Variants in PARD3B observed in about 807,000 individuals in gnomAD.
The protein encoded by PARD3B is par-3 family cell polarity regulator beta.
PARD3B carries 103 observed loss-of-function variants against 130.2 expected under a neutral mutation model. The observed-to-expected ratio is 0.79, with a 90% CI of 0.67 to 0.93. The LOEUF (loss-of-function observed/expected upper bound fraction) is 0.93. Ranked by LOEUF, PARD3B falls within the 40% of genes least tolerant of loss-of-function variation. The pLI is 0.00. For missense variants in PARD3B, 1,609 were observed against 1,499.2 expected (o/e 1.07, Z -1.21); for synonymous variants, 583 against 553.2 (o/e 1.05, Z -0.76).
rs1365587271 is a variant in PARD3B, at chr2:205,280,129, C to T, written c.2186-20401C>T. On this transcript the variant is annotated intron_variant, in intron 16 of 22. Coordinates refer to ENST00000406610, the MANE Select transcript of PARD3B (RefSeq NM_001302769.2). The surrounding 1 kb of genome is among the most constrained non-coding windows in gnomAD (Gnocchi z 4.7). ...AGGTAGGAATAGCAGTTGCCATTCT[C>T]TGACATAAATAGCTCTCATATAATA... Among the ~76,000 whole-genome samples the T allele has an allele frequency of 3.3e-5, 5 of 152,176 alleles. No individual in the cohort carries two copies. Among genetic ancestry groups the T allele is most frequent in the Non-Finnish European group, 7.3e-5 (5 of 68,038 alleles).
At chr2:204,735,837 G>A (rs2039721708) in intron 2 of PARD3B, among the ~76,000 whole-genome samples, 1 of 151,908 alleles carries the variant, frequency 6.6e-6, no homozygotes, top group African/African-American at 2.4e-5. Flanking sequence ...GGAAATAAAA[G>A]AAAGGAATAA....
At chr2:205,528,692 A>G (rs897040496) in intron 21 of PARD3B, among the ~76,000 whole-genome samples, 2 of 152,088 alleles carry the variant, frequency 1.3e-5, no homozygotes, top group Non-Finnish European at 2.9e-5. Context: ...GGGTTTGACC[A>G]TGTTGGCCAG....
At chr2:204,650,270 A>G (rs2035432301) in intron 1 of PARD3B, among the ~76,000 whole-genome samples, 1 of 152,172 alleles carries the variant, frequency 6.6e-6, no homozygotes, top group South Asian at 2.1e-4. Context: ...AGGTTGTGGA[A>G]AAAAGGGAAC....
chr2:205,596,259 G>A (rs1480744856), intron 22 of PARD3B, among the ~76,000 whole-genome samples: 1 of 152,174 alleles, frequency 6.6e-6, no homozygotes, highest in Non-Finnish European at 1.5e-5. Context: ...CTAAGAACCT[G>A]TTAATAACTT....
chr2:204,599,732 T>C (rs1235356610), intron 1 of PARD3B, among the ~76,000 whole-genome samples: 1 of 151,984 alleles, frequency 6.6e-6, no homozygotes, highest in Admixed American at 6.6e-5. Flanking sequence ...CATATGGTAG[T>C]TCTATTTGTA....
intron 22 of PARD3B, among the ~76,000 whole-genome samples, chr2:205,570,908 A>G (rs2053538334): frequency 6.6e-6 from 1 of 152,224 alleles, no homozygotes; most frequent in African/African-American, 2.4e-5. Flanking sequence ...TGATCCCACC[A>G]TAAATTATAG....
intron 16 of PARD3B, among the ~76,000 whole-genome samples, chr2:205,254,700 G>C (rs2039997556): frequency 6.7e-6 from 1 of 148,214 alleles, no homozygotes; most frequent in Non-Finnish European, 1.5e-5. Flanking sequence ...GTCTCGCTCT[G>C]TCGCCCAGAC....
intron 10 of PARD3B, among the ~76,000 whole-genome samples, chr2:205,145,669 A>G (rs977475850): frequency 6.6e-6 from 1 of 152,034 alleles, no homozygotes; most frequent in Non-Finnish European, 1.5e-5. Flanking sequence ...TCTCTAAGGC[A>G]CCATTGCTTT....
At chr2:205,193,160 G>T (rs2036485596) in intron 14 of PARD3B, 45 bp from the exon 15 acceptor site, 1 of 1,401,582 alleles carries the variant, frequency 7.1e-7, no homozygotes, top group Non-Finnish European at 1.0e-6. Context: ...TTTTTTAAAA[G>T]ATTTTATTCT....
chr2:205,466,580 T>C (rs1451883087), intron 20 of PARD3B, among the ~76,000 whole-genome samples: 1 of 152,218 alleles, frequency 6.6e-6, no homozygotes, highest in East Asian at 1.9e-4. Context: ...TACAACTAAG[T>C]AATCCATTTT....
rs1559663299 is a variant in PARD3B, at chr2:205,325,624, G to A, written c.2630+23923G>A. ...ACTCACTGTAGCCTCAGACCCCAGG[G>A]CTAAGTGATCCTCCCACCTCAGCCT... On this transcript the variant is annotated intron_variant, in intron 18 of 22. Coordinates refer to ENST00000406610, the MANE Select transcript of PARD3B (RefSeq NM_001302769.2). This position sits in a 1 kb window ranked among gnomAD's most constrained non-coding sequence, Gnocchi z 4.1. 6.6e-6 allele frequency among the ~76,000 whole-genome samples: 1 copy of A among 151,962 alleles called. No individual in the cohort carries two copies. Among genetic ancestry groups the A allele is most frequent in the Non-Finnish European group, 1.5e-5 (1 of 67,984 alleles).
At chr2:204,603,685 A>T (rs950635348) in intron 1 of PARD3B, among the ~76,000 whole-genome samples, 1 of 152,110 alleles carries the variant, frequency 6.6e-6, no homozygotes, top group African/African-American at 2.4e-5. Flanking sequence ...ACACTTGATC[A>T]CTCCAGCACA....
intron 2 of PARD3B, among the ~76,000 whole-genome samples, chr2:204,820,748 A>G (rs2043320055): frequency 6.6e-6 from 1 of 151,566 alleles, no homozygotes; most frequent in African/African-American, 2.4e-5. Context: ...CTCAGGAGGC[A>G]GGGGTTTCAC....
intron 2 of PARD3B, among the ~76,000 whole-genome samples, chr2:204,849,398 A>G (rs545785366): frequency 6.6e-6 from 1 of 152,324 alleles, no homozygotes; most frequent in South Asian, 2.1e-4. Context: ...TGCTGTTTCA[A>G]TATATGACTA....
intron 1 of PARD3B, among the ~76,000 whole-genome samples, chr2:204,579,058 C>A (rs1406337846): frequency 6.6e-6 from 1 of 151,890 alleles, no homozygotes; most frequent in Non-Finnish European, 1.5e-5. Context: ...GGTTGAGAAC[C>A]AGCTTAGGCA....
chr2:204,711,403 A>G (rs926431431), intron 2 of PARD3B, among the ~76,000 whole-genome samples: 4 of 152,202 alleles, frequency 2.6e-5, no homozygotes, highest in Admixed American at 6.5e-5. Flanking sequence ...AACAGATAAT[A>G]AAGTTTTTCT....
chr2:205,152,715 C>A (rs1262545357), intron 10 of PARD3B, among the ~76,000 whole-genome samples: 1 of 152,146 alleles, frequency 6.6e-6, no homozygotes, highest in African/African-American at 2.4e-5. Flanking sequence ...TCCTTTAGCT[C>A]GGAGAAGTTT....
intron 2 of PARD3B, among the ~76,000 whole-genome samples, chr2:204,729,727 G>A (rs1049867390): frequency 2.6e-5 from 4 of 151,752 alleles, no homozygotes; most frequent in Non-Finnish European, 5.9e-5. Flanking sequence ...ATTAGAATAC[G>A]CTGTTGTATT....
At chr2:204,749,106 C>T (rs775031430) in intron 2 of PARD3B, among the ~76,000 whole-genome samples, 7 of 152,006 alleles carry the variant, frequency 4.6e-5, no homozygotes, top group Non-Finnish European at 8.8e-5. Flanking sequence ...CACCCCCAAA[C>T]TGATCTGTTA....
Sources: gnomAD v4.1 joint callset for allele counts (sites outside exome capture counted in the v4.1 genomes callset) on GRCh38, gnomAD v4.1.1 for gene constraint, Gnocchi (gnomAD v3.1) non-coding constraint, MANE v1.5 for transcripts, NCBI Gene and HGNC (gene_info 2026-07-23, HGNC 2026-07-21) for gene names.